ZDHHC14: variants seen among roughly 807,000 people sequenced by gnomAD.
ZDHHC14 encodes palmitoyltransferase ZDHHC14.
ZDHHC14 carries 16 observed loss-of-function variants against 47.7 expected under a neutral mutation model. The observed-to-expected ratio is 0.34, with a 90% confidence interval of 0.23 to 0.51. The LOEUF is 0.51. Among genes scored for constraint, ZDHHC14 ranks in the 20% least tolerant of loss-of-function variants. The probability of loss-of-function intolerance (pLI) is 0.97; values close to 1 mark genes in which losing one functional copy is unlikely to be tolerated. For missense variants in ZDHHC14, 515 were observed against 662.5 expected (o/e 0.78, Z 2.44); for synonymous variants, 293 against 278.9 (o/e 1.05, Z -0.50).
rs189433568 is a variant in ZDHHC14 at position 157,456,588 on chromosome 6, A to G, written c.245+74322A>G. Among the ~76,000 whole-genome samples the G allele has an allele frequency of 2.1e-3, 322 of 152,284 alleles. 2 individuals carry two copies. Among genetic ancestry groups the G allele is most frequent in the Non-Finnish European group, 3.6e-3 (246 of 68,032 alleles). ...GAATTGAGTAAGACAAAGCACCACC[A>G]TGTTTCTCCCTGGCAGTACGAGCTG... On this transcript the variant is annotated intron_variant, in intron 1 of 8. Coordinates refer to ENST00000359775, the MANE Select transcript of ZDHHC14 (RefSeq NM_024630.3).
chr6:157,489,162 G>A (rs1779852334), intron 1 of ZDHHC14, among the ~76,000 whole-genome samples: 1 of 152,222 alleles, frequency 6.6e-6, no homozygotes, highest in African/African-American at 2.4e-5. Context: ...AAAACTCACA[G>A]GGAATCTCAG....
intron 8 of ZDHHC14, among the ~76,000 whole-genome samples, chr6:157,671,251 C>G (rs1778781485): frequency 6.6e-6 from 1 of 152,152 alleles, no homozygotes; most frequent in Non-Finnish European, 1.5e-5. Flanking sequence ...AGGTCTACCC[C>G]AGCTCCAAAT....
intron 8 of ZDHHC14, 84 bp downstream of exon 8, chr6:157,653,711 C>T: frequency 7.2e-7 from 1 of 1,394,406 alleles, no homozygotes; most frequent in Non-Finnish European, 9.9e-7. Context: ...GCCTTCCTAG[C>T]AAACCTCCCC....
intron 3 of ZDHHC14, among the ~76,000 whole-genome samples, chr6:157,601,599 CG>C (rs1562501156): frequency 6.6e-6 from 1 of 152,052 alleles, no homozygotes; most frequent in African/African-American, 2.4e-5. Flanking sequence ...AATTATGAGT[CG>C]GGGGGCAAGA....
intron 3 of ZDHHC14, among the ~76,000 whole-genome samples, chr6:157,628,065 A>G (rs935135694): frequency 1.3e-5 from 2 of 152,254 alleles, no homozygotes; most frequent in Non-Finnish European, 2.9e-5. Flanking sequence ...TTTACTTTCC[A>G]AAAGAAATGA....
chr6:157,651,574 CTT>C (rs66534937), intron 7 of ZDHHC14, among the ~76,000 whole-genome samples: 78,439 of 150,124 alleles, frequency 0.52, 20,776 homozygotes, highest in Admixed American at 0.57. Context: ...TCAAGACCTC[CTT>C]TTTTTTTTTT....
intron 1 of ZDHHC14, among the ~76,000 whole-genome samples, chr6:157,415,342 A>T (rs1456422719): frequency 6.6e-6 from 1 of 152,170 alleles, no homozygotes; most frequent in Non-Finnish European, 1.5e-5. Context: ...ATTTAAAAAA[A>T]AATCACCACT....
At chr6:157,626,000 T>A (rs753056317) in intron 3 of ZDHHC14, among the ~76,000 whole-genome samples, 17 of 152,134 alleles carry the variant, frequency 1.1e-4, no homozygotes, top group Non-Finnish European at 1.8e-4. Flanking sequence ...TTTCAGTAGT[T>A]ACTCTGCCTC....
chr6:157,572,595 TA>T (rs1249860068), intron 2 of ZDHHC14, among the ~76,000 whole-genome samples: 2 of 150,284 alleles, frequency 1.3e-5, no homozygotes, highest in Non-Finnish European at 3.0e-5. Context: ...CCGCACCCAT[TA>T]ACTCATCATT....
chr6:157,491,845 T>C (rs981888092), intron 1 of ZDHHC14, among the ~76,000 whole-genome samples: 4 of 152,208 alleles, frequency 2.6e-5, no homozygotes, highest in African/African-American at 9.6e-5. Flanking sequence ...GTAATGACAG[T>C]CTGTGAGTGG....
rs1440865862 is a variant in ZDHHC14, at chr6:157,484,340, T to TA, written c.246-58245_246-58244insA. 1.8e-3 allele frequency among the ~76,000 whole-genome samples: 253 copies of TA among 141,142 alleles called. 2 individuals are homozygous for TA. The highest frequency in any genetic ancestry group is 6.3e-3 in the African/African-American group (245 of 38,856). 92.6% of individuals were successfully genotyped at this position (141,142 alleles called of 152,430 possible). On this transcript the variant is annotated intron_variant, in intron 1 of 8. Transcript: ENST00000359775. The stretch of plus-strand genomic sequence containing the variant: ...ACACATATATATACGTATATATACA[T>TA]TATACGTATATATACACACATATAT...
intron 1 of ZDHHC14, among the ~76,000 whole-genome samples, chr6:157,518,428 A>G (rs1225412371): frequency 6.6e-6 from 1 of 151,680 alleles, no homozygotes; most frequent in Non-Finnish European, 1.5e-5. Flanking sequence ...TTTACAAACA[A>G]TCTGAGGTGA....
chr6:157,618,865 A>G (rs1001382292), intron 3 of ZDHHC14, among the ~76,000 whole-genome samples: 2 of 152,152 alleles, frequency 1.3e-5, no homozygotes, highest in Admixed American at 6.5e-5. Flanking sequence ...CACTTTTTAA[A>G]TTATCCTCAT....
chr6:157,385,570 T>C (rs1012508242), intron 1 of ZDHHC14, among the ~76,000 whole-genome samples: 9 of 152,256 alleles, frequency 5.9e-5, no homozygotes, highest in African/African-American at 1.9e-4. Flanking sequence ...CTTGAACAGA[T>C]GGACAAGAAA....
Position 157,450,998 on chromosome 6 carries a change from TTGTG to T in ZDHHC14, c.245+68762_245+68765del, listed in dbSNP as rs34066002. 1.5e-3 allele frequency among the ~76,000 whole-genome samples: 216 copies of T among 147,564 alleles called. 1 individual carries two copies. Among genetic ancestry groups the T allele is most frequent in the African/African-American group, 1.9e-3 (74 of 39,982 alleles). On this transcript the variant is annotated intron_variant, in intron 1 of 8. Transcript: ENST00000359775. ...AAATTTTGATGTCAAAAGTCTGGTC[TTGTG>T]TGTGTGTGTGTGTGTGTGTGTGTGT...
chr6:157,610,155 T>C (rs1784697059), intron 3 of ZDHHC14, among the ~76,000 whole-genome samples: 1 of 152,142 alleles, frequency 6.6e-6, no homozygotes, highest in Admixed American at 6.5e-5. Flanking sequence ...GTCAAGAATC[T>C]ACACCTGGGC....
intron 1 of ZDHHC14, among the ~76,000 whole-genome samples, chr6:157,446,597 A>T (rs1382421852): frequency 6.6e-6 from 1 of 151,776 alleles, no homozygotes; most frequent in Non-Finnish European, 1.5e-5. Flanking sequence ...TTTAGTAGAG[A>T]CAGTGTTTCA....
chr6:157,643,014 C>T (rs1452789840), intron 5 of ZDHHC14, among the ~76,000 whole-genome samples: 1 of 152,234 alleles, frequency 6.6e-6, no homozygotes, highest in African/African-American at 2.4e-5. Flanking sequence ...GAGCAGACTT[C>T]CGGCATTCAA....
At chr6:157,513,237 T>G (rs1195675813) in intron 1 of ZDHHC14, among the ~76,000 whole-genome samples, 3 of 152,234 alleles carry the variant, frequency 2.0e-5, no homozygotes, top group Non-Finnish European at 4.4e-5. Context: ...CAAAATTGAC[T>G]GTTCAGCACC....
Sources: gnomAD v4.1 joint callset for allele counts (sites outside exome capture counted in the v4.1 genomes callset) on GRCh38, gnomAD v4.1.1 for gene constraint, MANE v1.5 for transcripts, NCBI Gene and HGNC (gene_info 2026-07-23, HGNC 2026-07-21) for gene names.